DLG2: variants seen among roughly 807,000 people sequenced by gnomAD.
The protein encoded by DLG2 is disks large homolog 2.
In DLG2, 45 loss-of-function variants were observed where a neutral mutation model predicts 132.5. That is an observed-to-expected ratio of 0.34 (90% CI 0.27 to 0.44). DLG2 has a LOEUF of 0.44. DLG2 is among the 20% of genes least tolerant of loss of function. DLG2 has a pLI of 1.00. For synonymous variants in DLG2, 424 were observed against 419.6 expected (o/e 1.01, Z -0.13); for missense variants, 1,045 against 1,196.9 (o/e 0.87, Z 1.87).
chr11:83,599,102 T>C (rs2058098503), intron 19 of DLG2, among the ~76,000 whole-genome samples: 1 of 152,214 alleles, frequency 6.6e-6, no homozygotes, highest in Non-Finnish European at 1.5e-5. Context: ...CCTTGGCACT[T>C]AGCAAGAGTA....
chr11:85,188,228 T>G (rs2080268190), intron 4 of DLG2, among the ~76,000 whole-genome samples: 1 of 152,240 alleles, frequency 6.6e-6, no homozygotes, highest in Non-Finnish European at 1.5e-5. Context: ...AGGCACAAAC[T>G]CTAACCAAAT....
chr11:83,588,986 T>C (rs2097141144), intron 19 of DLG2, among the ~76,000 whole-genome samples: 1 of 146,572 alleles, frequency 6.8e-6, no homozygotes, highest in Non-Finnish European at 1.5e-5. Context: ...AATATGGGAC[T>C]ATGTGAAAAG....
At chr11:85,583,168 A>G (rs1230483110) in intron 3 of DLG2, among the ~76,000 whole-genome samples, 7 of 109,540 alleles carry the variant, frequency 6.4e-5, no homozygotes, top group Non-Finnish European at 3.7e-5. Flanking sequence ...ATATATATAT[A>G]TGTTTTGTTT....
chr11:84,982,399 T>C (rs2055884500), intron 6 of DLG2, among the ~76,000 whole-genome samples: 1 of 152,122 alleles, frequency 6.6e-6, no homozygotes, highest in Non-Finnish European at 1.5e-5. Flanking sequence ...TATCCATCAG[T>C]GTATAAACCA....
chr11:84,223,519 T>C (rs1049562649), intron 8 of DLG2, among the ~76,000 whole-genome samples: 3 of 151,974 alleles, frequency 2.0e-5, no homozygotes, highest in Admixed American at 6.6e-5. Flanking sequence ...CACACATGTC[T>C]TTCTCATAAG....
At chr11:85,427,826 A>G (rs1281400540) in intron 3 of DLG2, among the ~76,000 whole-genome samples, 1 of 152,234 alleles carries the variant, frequency 6.6e-6, no homozygotes, top group Non-Finnish European at 1.5e-5. Flanking sequence ...AAAGACACAG[A>G]CTGGCAAATT....
intron 6 of DLG2, among the ~76,000 whole-genome samples, chr11:84,976,373 C>A (rs970690706): frequency 1.3e-4 from 20 of 152,104 alleles, no homozygotes; most frequent in African/African-American, 4.3e-4. Context: ...CTGAGTATAT[C>A]AGCTCTAGAA....
intron 19 of DLG2, among the ~76,000 whole-genome samples, chr11:83,576,166 G>A (rs1389791954): frequency 6.6e-6 from 1 of 152,030 alleles, no homozygotes; most frequent in Non-Finnish European, 1.5e-5. Flanking sequence ...AAATATTAAT[G>A]AACATAAAAT....
intron 21 of DLG2, among the ~76,000 whole-genome samples, chr11:83,518,470 G>T (rs902589214): frequency 6.6e-6 from 1 of 152,100 alleles, no homozygotes; most frequent in Non-Finnish European, 1.5e-5. Context: ...TGTGCTTCCC[G>T]GGTGAGGCAA....
chr11:84,900,364 C>T (rs2090733772), intron 6 of DLG2, among the ~76,000 whole-genome samples: 1 of 152,006 alleles, frequency 6.6e-6, no homozygotes, highest in Non-Finnish European at 1.5e-5. Flanking sequence ...CACAAATATT[C>T]TGTACTATAT....
intron 7 of DLG2, among the ~76,000 whole-genome samples, chr11:84,294,951 G>A (rs1021672474): frequency 1.3e-5 from 2 of 152,160 alleles, no homozygotes; most frequent in Admixed American, 6.5e-5. Context: ...TTTCAGAGGT[G>A]TAAGTGAATT....
chr11:84,395,798 A>G (rs1185661407), intron 7 of DLG2, among the ~76,000 whole-genome samples: 1 of 152,244 alleles, frequency 6.6e-6, no homozygotes, highest in African/African-American at 2.4e-5. Context: ...CAAATAAATA[A>G]ATAAAAGTTT....
intron 11 of DLG2, among the ~76,000 whole-genome samples, chr11:84,024,992 C>T (rs1157718751): frequency 6.6e-6 from 1 of 151,900 alleles, no homozygotes; most frequent in African/African-American, 2.4e-5. Flanking sequence ...TATAATATCA[C>T]TTTGTATGCC....
intron 7 of DLG2, among the ~76,000 whole-genome samples, chr11:84,380,604 G>A (rs746764008): frequency 1.3e-5 from 2 of 151,696 alleles, no homozygotes; most frequent in Non-Finnish European, 2.9e-5. Context: ...ATAGCCTTAA[G>A]TATTTACATT....
At chr11:84,127,376 T>A (rs2094222872) in intron 9 of DLG2, among the ~76,000 whole-genome samples, 2 of 152,222 alleles carry the variant, frequency 1.3e-5, no homozygotes, top group Admixed American at 6.5e-5. Context: ...TAATCCTTCT[T>A]CTGCTAAAGC....
At chr11:85,333,000 G>T (rs539563356) in intron 3 of DLG2, among the ~76,000 whole-genome samples, 1 of 152,226 alleles carries the variant, frequency 6.6e-6, no homozygotes, top group South Asian at 2.1e-4. Context: ...GTCATTGCTA[G>T]TTTGATACGA....
chr11:85,391,473 G>T (rs982756694), intron 3 of DLG2, among the ~76,000 whole-genome samples: 2 of 151,784 alleles, frequency 1.3e-5, no homozygotes, highest in African/African-American at 4.8e-5. Flanking sequence ...AACCAGGAAA[G>T]GACATAACCA....
chr11:85,221,049 T>TA lies in DLG2; in HGVS notation c.186+64170_186+64171insT, dbSNP rs1005281428. 5.3e-5 allele frequency among the ~76,000 whole-genome samples: 8 copies of TA among 150,908 alleles called. No individual in the cohort carries two copies. In the East Asian group the frequency reaches 5.8e-4, roughly 11 times the overall value. ...ACTCAATAAAAAGTCAAACTTTCTT[T>TA]TTTTTTTTTTTGAGACAGAGTCTCA... On this transcript the variant is annotated intron_variant, in intron 4 of 27. Coordinates refer to ENST00000376104, the MANE Select transcript of DLG2 (RefSeq NM_001142699.3).
chr11:85,445,811 A>C (rs765654606), intron 3 of DLG2, among the ~76,000 whole-genome samples: 9 of 152,216 alleles, frequency 5.9e-5, no homozygotes, highest in Non-Finnish European at 1.0e-4. Flanking sequence ...CTTTTTTAGA[A>C]CCTAACACAG....
Sources: gnomAD v4.1 joint callset for allele counts (sites outside exome capture counted in the v4.1 genomes callset) on GRCh38, gnomAD v4.1.1 for gene constraint, MANE v1.5 for transcripts, NCBI Gene and HGNC (gene_info 2026-07-23, HGNC 2026-07-21) for gene names.